The following PDE1C variants were observed in gnomAD, a reference collection of about 807,000 sequenced individuals.
PDE1C encodes the protein phosphodiesterase 1C.
PDE1C carries 62 observed loss-of-function variants against 93.1 expected under a neutral mutation model. The observed-to-expected ratio is 0.67, with a 90% CI of 0.54 to 0.82. The LOEUF (loss-of-function observed/expected upper bound fraction) is 0.82. PDE1C is among the 40% of genes least tolerant of loss of function. The probability of loss-of-function intolerance (pLI) is 0.00; values close to 1 mark genes in which losing one functional copy is unlikely to be tolerated. For missense variants in PDE1C, 742 were observed against 884.6 expected, an observed-to-expected ratio of 0.84 and a Z score of 2.04; for synonymous variants, 325 against 310.1, an observed-to-expected ratio of 1.05 and a Z score of -0.50.
intron 15 of PDE1C, among the ~76,000 whole-genome samples, chr7:31,815,415 TC>T (rs2128722219): frequency 6.6e-6 from 1 of 152,260 alleles, no homozygotes; most frequent in African/African-American, 2.4e-5. Flanking sequence ...CTGGAGCTCT[TC>T]TGTTTTTAAA....
intron 2 of PDE1C, among the ~76,000 whole-genome samples, chr7:31,961,548 A>T (rs915049078): frequency 2.6e-5 from 4 of 152,104 alleles, no homozygotes; most frequent in African/African-American, 9.7e-5. Flanking sequence ...CATTTGACAG[A>T]TAAGAACACT....
chr7:32,215,206 G>A (rs1033608597), intron 1 of PDE1C, among the ~76,000 whole-genome samples: 36 of 152,086 alleles, frequency 2.4e-4, no homozygotes, highest in African/African-American at 8.7e-4. Flanking sequence ...TCAGATCAAT[G>A]GCGGCATTAG....
the PDE1C span, chr7:31,651,891 C>A: frequency 7.4e-7 from 1 of 1,350,746 alleles, no homozygotes; most frequent in Non-Finnish European, 1.0e-6. Context: ...GAAGATTGCA[C>A]CTGGGAAGGA....
At chr7:31,775,591 C>T (rs537829068) in intron 17 of PDE1C, 73 bp downstream of exon 17, 10 of 1,269,224 alleles carry the variant, frequency 7.9e-6, no homozygotes, top group Non-Finnish European at 1.1e-5. Flanking sequence ...AGTTTATCAA[C>T]CCAATTCCCG....
chr7:31,751,300 G>C lies in PDE1C; in HGVS notation c.*2084C>G, dbSNP rs933764132. On this transcript the variant is annotated 3_prime_UTR_variant, in exon 18 of 18. Transcript: ENST00000396191. Reference sequence around the variant, plus strand: ...GCAAAATCTCAACATCTGTACATTTGCTCCATTAAAATATTAGCAAAGGTT... The same window carrying C: ...GCAAAATCTCAACATCTGTACATTTCCTCCATTAAAATATTAGCAAAGGTT... 6.6e-6 allele frequency: 1 copy of C among 152,104 alleles called. No individual in the cohort carries two copies. The highest frequency in any genetic ancestry group is 2.4e-5 in the African/African-American group (1 of 41,416). 9.4% of individuals were successfully genotyped at this position (152,104 alleles called of 1,614,324 possible). A position where few individuals can be genotyped will look rare whatever the true frequency, so the allele number is the denominator to read the frequency against.
chr7:31,845,299 C>A (rs972567895), intron 9 of PDE1C, among the ~76,000 whole-genome samples: 1 of 152,122 alleles, frequency 6.6e-6, no homozygotes, highest in Admixed American at 6.6e-5. Context: ...ACTAAGAAAT[C>A]ACATTTTCCT....
At chr7:32,227,224 G>T (rs1584993438) in intron 1 of PDE1C, among the ~76,000 whole-genome samples, 1 of 152,066 alleles carries the variant, frequency 6.6e-6, no homozygotes, top group South Asian at 2.1e-4. Flanking sequence ...GAGAAAAAAA[G>T]CTGCTCCAAA....
intron 1 of PDE1C, among the ~76,000 whole-genome samples, chr7:32,214,767 A>G (rs1215387344): frequency 6.6e-6 from 1 of 152,140 alleles, no homozygotes; most frequent in Non-Finnish European, 1.5e-5. Flanking sequence ...TGCATTGTAA[A>G]CGGTTCTTTA....
upstream of PDE1C, among the ~76,000 whole-genome samples, chr7:32,300,464 C>G (rs771274943): frequency 2.6e-5 from 4 of 152,126 alleles, no homozygotes; most frequent in Non-Finnish European, 4.4e-5. Flanking sequence ...ACTGTAATAC[C>G]CATGCCTGGA....
the PDE1C span, chr7:31,652,732 C>A: frequency 6.2e-7 from 1 of 1,613,812 alleles, no homozygotes; most frequent in African/African-American, 1.3e-5. Context: ...GAGAACAGCA[C>A]CAGGATGTCT....
At chr7:32,309,399 A>C (rs1403553752) in intron 1 of PDE1C, among the ~76,000 whole-genome samples, 1 of 152,168 alleles carries the variant, frequency 6.6e-6, no homozygotes, top group Non-Finnish European at 1.5e-5. Context: ...ATACAGAGAA[A>C]GCCACAAAGA....
chr7:32,206,338 T>C (rs1405084189), intron 2 of PDE1C, among the ~76,000 whole-genome samples: 1 of 151,966 alleles, frequency 6.6e-6, no homozygotes, highest in Non-Finnish European at 1.5e-5. Flanking sequence ...TTTCTCTAGG[T>C]CAGGTGCAGT....
At chr7:32,023,412 G>A (rs1375221967) in intron 2 of PDE1C, among the ~76,000 whole-genome samples, 1 of 151,938 alleles carries the variant, frequency 6.6e-6, no homozygotes, top group Non-Finnish European at 1.5e-5. Flanking sequence ...TCATACTTAA[G>A]CGCAAATGAA....
chr7:31,832,170 A>C (rs1790494914), intron 11 of PDE1C, among the ~76,000 whole-genome samples: 1 of 152,226 alleles, frequency 6.6e-6, no homozygotes, highest in Non-Finnish European at 1.5e-5. Context: ...CAAAGGAAAA[A>C]ACTCACCAAC....
chr7:32,244,611 A>C (rs183136167), intron 1 of PDE1C, among the ~76,000 whole-genome samples: 21 of 152,322 alleles, frequency 1.4e-4, no homozygotes, highest in African/African-American at 4.3e-4. Flanking sequence ...CAGTGCCACG[A>C]GATGGTCCAT....
rs1032382964 is a variant in PDE1C, at chr7:32,375,733, C to G, written c.310+52089G>C. Among the ~76,000 whole-genome samples, 15 of 152,220 alleles carry G rather than the reference C, an allele frequency of 9.9e-5. 1 individual carries two copies. The highest frequency in any genetic ancestry group is 5.8e-4 in the East Asian group (3 of 5,186). ...TGCTCTGCTGCCAACAGCTTGATGG[C>G]CTGGGCCAGTGACACAACTTCCTTG... On this transcript the variant is annotated intron_variant, in intron 1 of 1. Coordinates refer to the PDE1C transcript ENST00000672256.
intron 15 of PDE1C, among the ~76,000 whole-genome samples, chr7:31,809,325 G>A (rs1035563688): frequency 2.6e-5 from 4 of 152,038 alleles, no homozygotes; most frequent in African/African-American, 9.7e-5. Context: ...AAACAGAGTT[G>A]TAGTTAAGTT....
the PDE1C span, among the ~76,000 whole-genome samples, chr7:31,732,789 A>G: frequency 6.6e-6 from 1 of 152,066 alleles, no homozygotes; most frequent in African/African-American, 2.4e-5. Flanking sequence ...TAGGAAAATC[A>G]ATAATGGTAA....
the PDE1C span, among the ~76,000 whole-genome samples, chr7:31,690,546 C>T: frequency 2.0e-5 from 3 of 152,174 alleles, no homozygotes; most frequent in African/African-American, 7.2e-5. Flanking sequence ...ACTCTCACTA[C>T]ATCTTTAAGA....
Sources: allele counts gnomAD v4.1 joint callset (sites outside exome capture counted in the v4.1 genomes callset), GRCh38; gene constraint gnomAD v4.1.1; transcripts MANE v1.5; gene names NCBI Gene and HGNC (gene_info 2026-07-23, HGNC 2026-07-21).